TMEM14A: variants seen among roughly 807,000 people sequenced by gnomAD.
TMEM14A encodes the protein transmembrane protein 14A.
TMEM14A carries 8 observed loss-of-function variants against 11.6 expected under a neutral mutation model. That is an observed-to-expected ratio of 0.69 (90% CI 0.40 to 1.24). The LOEUF (loss-of-function observed/expected upper bound fraction) is 1.24, where lower values mean the gene tolerates loss of function less well. Among genes scored for constraint, TMEM14A ranks in the 50% most tolerant of loss-of-function variants. The probability of loss-of-function intolerance (pLI) is 0.01; values close to 1 mark genes in which losing one functional copy is unlikely to be tolerated. For synonymous variants in TMEM14A, 34 were observed against 45.5 expected (o/e 0.75, Z 1.02); for missense variants, 108 against 121.9 (o/e 0.89, Z 0.54).
chr6:52,683,105 T>C (rs747531019), intron 3 of TMEM14A, among the ~76,000 whole-genome samples: 3 of 152,174 alleles, frequency 2.0e-5, no homozygotes, highest in East Asian at 1.9e-4. Context: ...CTGAGGGAAG[T>C]TGAATAAAGC....
chr6:52,680,778 G>A (rs1769376287), intron 2 of TMEM14A, among the ~76,000 whole-genome samples: 3 of 141,932 alleles, frequency 2.1e-5, no homozygotes, highest in African/African-American at 8.0e-5. Flanking sequence ...AAGTGACTTA[G>A]CCAGAGTCCT....
intron 3 of TMEM14A, among the ~76,000 whole-genome samples, chr6:52,683,771 C>T (rs1769438903): frequency 6.6e-6 from 1 of 152,026 alleles, no homozygotes; most frequent in Non-Finnish European, 1.5e-5. Flanking sequence ...GCCACCATGC[C>T]CTGCTAATTT....
chr6:52,684,612 T>A (rs1160338149), intron 4 of TMEM14A, among the ~76,000 whole-genome samples: 2 of 152,224 alleles, frequency 1.3e-5, no homozygotes, highest in Non-Finnish European at 2.9e-5. Context: ...TAATATTTTT[T>A]AAAAGATAAA....
Position 52,680,704 on chromosome 6 carries a change from T to TATATATATATATACACAC in TMEM14A, c.71-1108_71-1107insTATATATATATACACACA, listed in dbSNP as rs371102796. Among the ~76,000 whole-genome samples the TATATATATATATACACAC allele has an allele frequency of 1.5e-3, 77 of 51,076 alleles. 2 individuals are homozygous for TATATATATATATACACAC. Among genetic ancestry groups the TATATATATATATACACAC allele is most frequent in the South Asian group, 3.3e-3 (4 of 1,220 alleles). The allele number at this position is 51,076 out of a possible 152,430, so 33.5% of individuals were successfully genotyped here. On this transcript the variant is annotated intron_variant, in intron 2 of 4. Coordinates refer to ENST00000211314, the MANE Select transcript of TMEM14A (RefSeq NM_014051.4). ...ATATACATATATGTATATATATATA[T>TATATATATATATACACAC]ACACATATATATATGGCATGGATGA...
At chr6:52,677,595 C>T (rs1056552024) in intron 2 of TMEM14A, among the ~76,000 whole-genome samples, 3 of 151,140 alleles carry the variant, frequency 2.0e-5, no homozygotes, top group African/African-American at 4.8e-5. Context: ...GTCTCTTCAC[C>T]TTTGTCCAAA....
At chr6:52,680,653 G>GTGTAAATATATA (rs1336856273) in intron 2 of TMEM14A, among the ~76,000 whole-genome samples, 1 of 26,990 alleles carries the variant, frequency 3.7e-5, no homozygotes, top group Non-Finnish European at 7.6e-5. Context: ...ATATATATGT[G>GTGTAAATATATA]TGTGTATATA....
chr6:52,676,188 C>T (rs1769254748), intron 1 of TMEM14A, among the ~76,000 whole-genome samples: 1 of 152,070 alleles, frequency 6.6e-6, no homozygotes, highest in Non-Finnish European at 1.5e-5. Flanking sequence ...TGAGGTACCC[C>T]CCAGAGTGTG....
chr6:52,673,977 G>A (rs985977409), intron 1 of TMEM14A, among the ~76,000 whole-genome samples: 8 of 152,176 alleles, frequency 5.3e-5, no homozygotes, highest in African/African-American at 1.9e-4. Flanking sequence ...GCTAATATTT[G>A]TTGAGTGCTC....
chr6:52,673,605 C>T (rs909149142), intron 1 of TMEM14A, among the ~76,000 whole-genome samples: 1 of 152,050 alleles, frequency 6.6e-6, no homozygotes, highest in Non-Finnish European at 1.5e-5. Context: ...ATCTGGGCAT[C>T]CTTAGGCTCC....
intron 2 of TMEM14A, among the ~76,000 whole-genome samples, chr6:52,678,329 T>TTGTG (rs201993880): frequency 1.4e-3 from 41 of 30,136 alleles, no homozygotes; most frequent in Non-Finnish European, 5.4e-3. Flanking sequence ...ATGTGTGTGT[T>TTGTG]TGTGTGTGTG....
chr6:52,673,275 A>G (rs541334872), intron 1 of TMEM14A, among the ~76,000 whole-genome samples: 39 of 152,298 alleles, frequency 2.6e-4, no homozygotes, highest in African/African-American at 9.4e-4. Context: ...TTTCTTGTCT[A>G]TGAAGAACAT....
At chr6:52,684,751 G>T (rs748237803) in intron 4 of TMEM14A, among the ~76,000 whole-genome samples, 5 of 152,176 alleles carry the variant, frequency 3.3e-5, no homozygotes, top group African/African-American at 7.2e-5. Flanking sequence ...TATGTTGAAA[G>T]CCATAAACAT....
intron 1 of TMEM14A, among the ~76,000 whole-genome samples, chr6:52,674,498 A>G (rs1769218407): frequency 6.6e-6 from 1 of 152,200 alleles, no homozygotes; most frequent in Non-Finnish European, 1.5e-5. Flanking sequence ...GAAAATGAGG[A>G]TAATCATGAC....
chr6:52,686,199 G>GT lies in TMEM14A; in HGVS notation c.*157dup. 1.5e-6 allele frequency: 1 copy of GT among 671,868 alleles called. No individual in the cohort carries two copies. Among genetic ancestry groups the GT allele is most frequent in the Non-Finnish European group, 2.2e-6 (1 of 449,802 alleles). The allele number at this position is 671,868 out of a possible 1,614,324, so 41.6% of individuals were successfully genotyped here. On this transcript the variant is annotated 3_prime_UTR_variant, in exon 5 of 5. Coordinates refer to ENST00000211314, the MANE Select transcript of TMEM14A (RefSeq NM_014051.4). ...CTAATATGAACATTAGTTTGAGGTA[G>GT]TTTTTTTCTAAAGCAAAAATTTTAA...
chr6:52,678,810 C>G (rs1021170380), intron 2 of TMEM14A, among the ~76,000 whole-genome samples: 2 of 152,174 alleles, frequency 1.3e-5, no homozygotes, highest in African/African-American at 4.8e-5. Flanking sequence ...TTTTCTGCTG[C>G]TACTGCCCTG....
chr6:52,681,951 ACAT>A, intron 3 of TMEM14A, 37 bp downstream of exon 3: 1 of 1,554,820 alleles, frequency 6.4e-7, no homozygotes, highest in Non-Finnish European at 8.9e-7. Context: ...AGAGACTCAA[ACAT>A]TGGAGGTGAT....
At chr6:52,680,669 G>GTATATATATATACATATATGTA (rs1554137462) in intron 2 of TMEM14A, among the ~76,000 whole-genome samples, 1 of 35,968 alleles carries the variant, frequency 2.8e-5, no homozygotes, top group Non-Finnish European at 6.1e-5. Flanking sequence ...ATATATATGT[G>GTATATATATATACATATATGTA]TATATATATA....
At chr6:52,680,691 G>GTGTATATATATATACACATATATGTA (rs758417981) in intron 2 of TMEM14A, among the ~76,000 whole-genome samples, 3 of 35,338 alleles carry the variant, frequency 8.5e-5, no homozygotes, top group African/African-American at 2.3e-4. Flanking sequence ...ATACATATAT[G>GTGTATATATATATACACATATATGTA]TATATATATA....
rs1398749245 is a variant in TMEM14A at position 52,673,875 on chromosome 6, A to G, written c.-17+2630A>G. Among the ~76,000 whole-genome samples the G allele has an allele frequency of 3.3e-5, 5 of 152,332 alleles. No homozygotes were observed. In the East Asian group the frequency reaches 9.6e-4, roughly 29 times the overall value. Reference sequence around the variant, plus strand: ...CTAAATTACAAATTCACCCTACCTCAGTTTTCTCAGTGTGCTGAAATAGTA... The same window carrying G: ...CTAAATTACAAATTCACCCTACCTCGGTTTTCTCAGTGTGCTGAAATAGTA... On this transcript the variant is annotated intron_variant, in intron 1 of 4. Coordinates refer to ENST00000211314, the MANE Select transcript of TMEM14A (RefSeq NM_014051.4).
Sources: gnomAD v4.1 joint callset for allele counts (sites outside exome capture counted in the v4.1 genomes callset) on GRCh38, gnomAD v4.1.1 for gene constraint, MANE v1.5 for transcripts, NCBI Gene and HGNC (gene_info 2026-07-23, HGNC 2026-07-21) for gene names.